Variants in PDCD1LG2 observed in about 807,000 individuals in gnomAD.
PDCD1LG2 encodes programmed cell death 1 ligand 2.
In PDCD1LG2, 32 loss-of-function variants were observed where a neutral mutation model predicts 28.2. That is an observed-to-expected ratio of 1.13 (90% CI 0.86 to 1.52). The LOEUF is 1.52. PDCD1LG2 is among the 40% of genes most tolerant of loss of function. The pLI is 0.00. For missense variants in PDCD1LG2, 385 were observed against 323.8 expected, an observed-to-expected ratio of 1.19 and a Z score of -1.45; for synonymous variants, 116 against 120.2, an observed-to-expected ratio of 0.97 and a Z score of 0.23.
At chr9:5,515,642 A>T (rs926284649) in intron 1 of PDCD1LG2, among the ~76,000 whole-genome samples, 5 of 152,118 alleles carry the variant, frequency 3.3e-5, no homozygotes, top group Admixed American at 3.3e-4. Flanking sequence ...GAGGAGACAC[A>T]AGCCAGGCAC....
intron 2 of PDCD1LG2, among the ~76,000 whole-genome samples, chr9:5,533,510 C>T (rs1193338356): frequency 2.0e-5 from 3 of 152,098 alleles, no homozygotes; most frequent in African/African-American, 7.2e-5. Flanking sequence ...TGTTATCTAC[C>T]CGGAAGCTTC....
intron 3 of PDCD1LG2, 114 bp downstream of exon 3, chr9:5,535,164 G>A: frequency 1.1e-6 from 1 of 919,878 alleles, no homozygotes; most frequent in Admixed American, 3.0e-5. Flanking sequence ...TGCTTTTAAG[G>A]AGACAGCTAT....
chr9:5,524,118 A>G (rs1306893898), intron 2 of PDCD1LG2, among the ~76,000 whole-genome samples: 1 of 152,256 alleles, frequency 6.6e-6, no homozygotes, highest in African/African-American at 2.4e-5. Flanking sequence ...CATATGGTAT[A>G]GTTCATTTAA....
At chr9:5,550,948 C>T (rs1426894549) in intron 4 of PDCD1LG2, among the ~76,000 whole-genome samples, 1 of 152,190 alleles carries the variant, frequency 6.6e-6, no homozygotes, top group Non-Finnish European at 1.5e-5. Context: ...CCGCCTCAGC[C>T]TCCCAAATTG....
chr9:5,517,739 G>A (rs1237739196), intron 1 of PDCD1LG2, among the ~76,000 whole-genome samples: 3 of 152,114 alleles, frequency 2.0e-5, no homozygotes, highest in Non-Finnish European at 4.4e-5. Context: ...CAGTGGAGGT[G>A]GTGAGAAATG....
chr9:5,523,158 T>C (rs1586794525), intron 2 of PDCD1LG2, among the ~76,000 whole-genome samples: 1 of 152,312 alleles, frequency 6.6e-6, no homozygotes, highest in East Asian at 1.9e-4. Flanking sequence ...CTTAAGGCTA[T>C]CCCTTTGGAC....
At chr9:5,556,000 A>G (rs1019626686) in intron 4 of PDCD1LG2, among the ~76,000 whole-genome samples, 10 of 152,254 alleles carry the variant, frequency 6.6e-5, no homozygotes, top group African/African-American at 1.4e-4. Flanking sequence ...GAGACAGTCA[A>G]TTCAGTGCAA....
chr9:5,511,040 T>C (rs1382790074), intron 1 of PDCD1LG2, among the ~76,000 whole-genome samples: 1 of 152,244 alleles, frequency 6.6e-6, no homozygotes, highest in African/African-American at 2.4e-5. Context: ...GTGAGATATT[T>C]TCTGCACCAA....
rs915112785 is a variant in PDCD1LG2, at chr9:5,537,964, A to G, written c.361+2914A>G. On this transcript the variant is annotated intron_variant, in intron 3 of 6. Coordinates refer to ENST00000397747, the MANE Select transcript of PDCD1LG2 (RefSeq NM_025239.4). ...GAAAAGTTTTCATTTCAATAGCTATAAATATTTTGTTGTTGTAAAGACATA... is the reference window on the plus strand; with the variant it reads ...GAAAAGTTTTCATTTCAATAGCTATGAATATTTTGTTGTTGTAAAGACATA... 3.0e-4 allele frequency among the ~76,000 whole-genome samples: 45 copies of G among 152,344 alleles called. 1 individual carries two copies. The highest frequency in any genetic ancestry group is 2.1e-3 in the South Asian group (10 of 4,830).
At chr9:5,550,491 G>T (rs2129884181) in intron 4 of PDCD1LG2, among the ~76,000 whole-genome samples, 1 of 152,242 alleles carries the variant, frequency 6.6e-6, no homozygotes, top group East Asian at 1.9e-4. Flanking sequence ...TACTTATGGA[G>T]GTCAGAAAGC....
At chr9:5,562,789 TCAGA>T (rs976993144) in intron 5 of PDCD1LG2, among the ~76,000 whole-genome samples, 2 of 152,202 alleles carry the variant, frequency 1.3e-5, no homozygotes, top group African/African-American at 4.8e-5. Context: ...AATTAATTGA[TCAGA>T]CATTCTGACC....
intron 1 of PDCD1LG2, among the ~76,000 whole-genome samples, chr9:5,516,704 G>T (rs117287178): frequency 6.6e-6 from 1 of 152,324 alleles, no homozygotes; most frequent in African/African-American, 2.4e-5. Context: ...GGAAGAGGTC[G>T]AGGCAGCAGG....
chr9:5,542,111 G>A (rs952567647), intron 3 of PDCD1LG2, among the ~76,000 whole-genome samples: 1 of 152,178 alleles, frequency 6.6e-6, no homozygotes, highest in African/African-American at 2.4e-5. Context: ...AAACGGTGCT[G>A]GGATAATTGG....
chr9:5,515,345 A>G (rs1433154135), intron 1 of PDCD1LG2, among the ~76,000 whole-genome samples: 2 of 152,186 alleles, frequency 1.3e-5, no homozygotes, highest in Non-Finnish European at 2.9e-5. Context: ...CCTGGAGAAA[A>G]GTCAGCACAA....
chr9:5,541,522 T>C (rs756448682), intron 3 of PDCD1LG2, among the ~76,000 whole-genome samples: 9 of 152,132 alleles, frequency 5.9e-5, no homozygotes, highest in Non-Finnish European at 1.2e-4. Context: ...GGATACAAAA[T>C]TAATGTACAC....
At chr9:5,562,459 G>C (rs1204775971) in intron 5 of PDCD1LG2, among the ~76,000 whole-genome samples, 1 of 152,188 alleles carries the variant, frequency 6.6e-6, no homozygotes, top group Non-Finnish European at 1.5e-5. Context: ...GGCATACAGA[G>C]TGGTATAATG....
chr9:5,547,476 G>T (rs1037364874), intron 3 of PDCD1LG2, among the ~76,000 whole-genome samples: 86 of 152,062 alleles, frequency 5.7e-4, no homozygotes, highest in African/African-American at 2.0e-3. Context: ...TGGAAGGTTT[G>T]TTCTTGTGTC....
chr9:5,529,684 G>A (rs1022423083), intron 2 of PDCD1LG2, among the ~76,000 whole-genome samples: 4 of 152,064 alleles, frequency 2.6e-5, no homozygotes, highest in African/African-American at 9.7e-5. Context: ...TACTCCAGAG[G>A]TAGATGAAAA....
intron 3 of PDCD1LG2, among the ~76,000 whole-genome samples, chr9:5,535,926 G>C (rs940751738): frequency 1.3e-5 from 2 of 152,204 alleles, no homozygotes; most frequent in Non-Finnish European, 2.9e-5. Flanking sequence ...GATTTTGCTT[G>C]TTCATTGGCT....
Sources: allele counts gnomAD v4.1 joint callset (sites outside exome capture counted in the v4.1 genomes callset), GRCh38; gene constraint gnomAD v4.1.1; transcripts MANE v1.5; gene names NCBI Gene and HGNC (gene_info 2026-07-23, HGNC 2026-07-21).